The following DDX39A variants were observed in gnomAD, a reference collection of about 807,000 sequenced individuals.
DDX39A encodes the protein ATP-dependent RNA helicase DDX39A.
DDX39A carries 13 observed loss-of-function variants against 46.3 expected under a neutral mutation model. The observed-to-expected ratio is 0.28, with a 90% CI of 0.18 to 0.45. The LOEUF (loss-of-function observed/expected upper bound fraction) is 0.45. Among genes scored for constraint, DDX39A ranks in the 20% least tolerant of loss-of-function variants. The pLI is 1.00. For synonymous variants in DDX39A, 234 were observed against 224.6 expected (o/e 1.04, Z -0.38); for missense variants, 352 against 581.8 (o/e 0.61, Z 4.06).
At chr19:14,418,120 C>G (rs1044858939) in intron 1 of DDX39A, among the ~76,000 whole-genome samples, 1 of 52,348 alleles carries the variant, frequency 1.9e-5, no homozygotes, top group Non-Finnish European at 4.0e-5. Flanking sequence ...GGCTCTGTCT[C>G]AAAAAAAAAA....
intron 1 of DDX39A, 43 bp from the exon 2 acceptor site, chr19:14,413,267 GGAT>G: frequency 6.5e-7 from 1 of 1,546,692 alleles, no homozygotes; most frequent in Non-Finnish European, 8.8e-7. Flanking sequence ...GGGCACAGAA[GGAT>G]GATGAAGCTT....
Position 14,412,809 on chromosome 19 carries a change from G to A in DDX39A, c.209-131C>T. 7.4e-7 allele frequency: 1 copy of A among 1,358,096 alleles called. No homozygotes were observed. The highest frequency in any genetic ancestry group is 9.9e-7 in the Non-Finnish European group (1 of 1,005,276). 84.1% of individuals were successfully genotyped at this position (1,358,096 alleles called of 1,614,324 possible). A position where few individuals can be genotyped will look rare whatever the true frequency, so the allele number is the denominator to read the frequency against. On this transcript the variant is annotated intron_variant, in intron 2 of 10. Transcript: ENST00000242776. The surrounding 1 kb of genome is among the most constrained non-coding windows in gnomAD (Gnocchi z 4.4). ...AGTCCGGACAAGGCCACAGACACCT[G>A]CAGGGCTGGGGTATCCGCCTGGTCA...
rs974236155 is a variant in DDX39A, at chr19:14,411,841, C to T, written c.337-243G>A. Among the ~76,000 whole-genome samples, 2 of 151,898 alleles carry T rather than the reference C, an allele frequency of 1.3e-5. No individual in the cohort carries two copies. Among genetic ancestry groups the T allele is most frequent in the African/African-American group, 2.4e-5 (1 of 41,318 alleles). ...CCACAATAAGAAACAGAAAATGGAA[C>T]AGAAAATGGCCCGCATAATGTAATG... On this transcript the variant is annotated intron_variant, in intron 3 of 10. Coordinates refer to ENST00000242776, the MANE Select transcript of DDX39A (RefSeq NM_005804.4). The surrounding 1 kb of genome is among the most constrained non-coding windows in gnomAD (Gnocchi z 4.1).
Position 14,412,687 on chromosome 19 carries a change from G to T in DDX39A, c.209-9C>A. ...AATGCACTCATGCTGGACTGCAGGA[G>T]AAGCAGAGCGTGAGGGACGAGAACC... is the stretch of plus-strand genomic sequence containing the variant. On this transcript the variant is annotated splice_polypyrimidine_tract_variant and intron_variant, in intron 2 of 10. Transcript: ENST00000242776. This position sits in a 1 kb window ranked among gnomAD's most constrained non-coding sequence, Gnocchi z 4.4. 6.3e-7 allele frequency: 1 copy of T among 1,598,962 alleles called. No homozygotes were observed.
rs1374250568 is a variant in DDX39A, at chr19:14,410,594, A to G, written c.614-260T>C. On this transcript the variant is annotated intron_variant, in intron 5 of 10. Transcript: ENST00000242776. This position sits in a 1 kb window ranked among gnomAD's most constrained non-coding sequence, Gnocchi z 4.3. ...GCCCGTGCGCCTCGAGCCACGCTTC[A>G]GGGAGGGGAGCCTGAGGCAGAGACA... The G allele has an allele frequency of 3.8e-6, 2 of 532,658 alleles. No homozygotes were observed. Among genetic ancestry groups the G allele is most frequent in the Non-Finnish European group, 6.8e-6 (2 of 292,320 alleles). 33.0% of individuals were successfully genotyped at this position (532,658 alleles called of 1,614,324 possible).
chr19:14,410,393 C>T lies in DDX39A; in HGVS notation c.614-59G>A, dbSNP rs1976529306. On this transcript the variant is annotated intron_variant, in intron 5 of 10. Transcript: ENST00000242776. This position sits in a 1 kb window ranked among gnomAD's most constrained non-coding sequence, Gnocchi z 4.3. ...AGCGTCTGCCATGCAGGACCCCCAC[C>T]CCAGACCAGACCCAGACCCCTCCCA... The T allele has an allele frequency of 6.8e-7, 1 of 1,474,164 alleles. No individual in the cohort carries two copies. Among genetic ancestry groups the T allele is most frequent in the Admixed American group, 1.7e-5 (1 of 59,748 alleles). 91.3% of individuals were successfully genotyped at this position (1,474,164 alleles called of 1,614,324 possible).
chr19:14,414,323 G>GTTTT (rs201672917), intron 1 of DDX39A, among the ~76,000 whole-genome samples: 96 of 130,752 alleles, frequency 7.3e-4, no homozygotes, highest in African/African-American at 2.7e-3. Context: ...GCTATCACCT[G>GTTTT]TTTTATTATT....
rs542037214 is a variant in DDX39A, at chr19:14,412,922, G to A, written c.208+91C>T. ...ACAGACGGGCCCCTCCCTCACCCACGGCAAACTGGAGGCGGCACCGCTCTG... is the reference window on the plus strand; with the variant it reads ...ACAGACGGGCCCCTCCCTCACCCACAGCAAACTGGAGGCGGCACCGCTCTG... On this transcript the variant is annotated intron_variant, in intron 2 of 10. Transcript: ENST00000242776. The surrounding 1 kb of genome is among the most constrained non-coding windows in gnomAD (Gnocchi z 4.4). The A allele has an allele frequency of 2.3e-5, 33 of 1,450,996 alleles. No individual in the cohort carries two copies. Among genetic ancestry groups the A allele is most frequent in the Admixed American group, 4.1e-5 (2 of 49,362 alleles). The allele number at this position is 1,450,996 out of a possible 1,614,324, so 89.9% of individuals were successfully genotyped here.
intron 1 of DDX39A, among the ~76,000 whole-genome samples, 181 bp from the exon 2 acceptor site, chr19:14,413,405 T>C (rs1976674684): frequency 1.5e-5 from 2 of 132,792 alleles, no homozygotes; most frequent in Admixed American, 7.7e-5. Flanking sequence ...CTCTCCCCCA[T>C]GCCCCTCTGG....
rs1394904864 is a variant in DDX39A at position 14,410,007 on chromosome 19, T to A, written c.733-134A>T. ...CTGCTGCACCAGACCTCAGTAAACA[T>A]CGCTCAAAAGCTGGATGTAAGCTCT... On this transcript the variant is annotated intron_variant, in intron 6 of 10. Coordinates refer to ENST00000242776, the MANE Select transcript of DDX39A (RefSeq NM_005804.4). The surrounding 1 kb of genome is among the most constrained non-coding windows in gnomAD (Gnocchi z 4.3). 3 of 1,245,700 alleles carry A rather than the reference T, an allele frequency of 2.4e-6. No homozygotes were observed. The highest frequency in any genetic ancestry group is 2.3e-5 in the East Asian group (1 of 43,112). The allele number at this position is 1,245,700 out of a possible 1,614,324, so 77.2% of individuals were successfully genotyped here. A position where few individuals can be genotyped will look rare whatever the true frequency, so the allele number is the denominator to read the frequency against.
rs1976410684 is a variant in DDX39A, at chr19:14,408,877, A to T, written c.*59T>A. On this transcript the variant is annotated 3_prime_UTR_variant, in exon 11 of 11. Coordinates refer to ENST00000242776, the MANE Select transcript of DDX39A (RefSeq NM_005804.4). ...CTAGCTTCTCAACAGTGGCGCCTGG[A>T]AAGGGGAGGTGAAGCTGCATGCGGG... The T allele has an allele frequency of 6.5e-7, 1 of 1,532,994 alleles. No individual in the cohort carries two copies. The allele number at this position is 1,532,994 out of a possible 1,614,324, so 95.0% of individuals were successfully genotyped here. A position where few individuals can be genotyped will look rare whatever the true frequency, so the allele number is the denominator to read the frequency against.
At position 14,410,137 on chromosome 19, in the gene DDX39A, G is replaced by T; in HGVS notation, c.732+79C>A. 1 of 1,295,220 alleles carries T rather than the reference G, an allele frequency of 7.7e-7. No homozygotes were observed. The highest frequency in any genetic ancestry group is 1.1e-6 in the Non-Finnish European group (1 of 895,252). The allele number at this position is 1,295,220 out of a possible 1,614,324, so 80.2% of individuals were successfully genotyped here. On this transcript the variant is annotated intron_variant, in intron 6 of 10. Coordinates refer to ENST00000242776, the MANE Select transcript of DDX39A (RefSeq NM_005804.4). This position sits in a 1 kb window ranked among gnomAD's most constrained non-coding sequence, Gnocchi z 4.3. ...AGCATCCCAGCATCCTCCGTGCCAT[G>T]TGGGCCGTGCGGGTGTCCTGGGGCC...
At position 14,413,077 on chromosome 19, in the gene DDX39A, G is replaced by A; in HGVS notation, c.144C>T (p.Asp48=). 6.2e-7 allele frequency: 1 copy of A among 1,614,202 alleles called. No homozygotes were observed. The highest frequency in any genetic ancestry group is 1.1e-5 in the South Asian group (1 of 91,092). The change falls in exon 2 of 11, where the codon GAC becomes GAT. Residue 48 remains aspartate, a synonymous_variant. Transcript: ENST00000242776. ...GCAGGAGCTCCGGCTTCAGCAGAAAGTCCCGGAAGCCAGAGCTGTGGATGG... is the reference window on the plus strand; with the variant it reads ...GCAGGAGCTCCGGCTTCAGCAGAAAATCCCGGAAGCCAGAGCTGTGGATGG... The part of the protein sequence containing the change: ...YVSIHSSGFR[D]FLLKPELLRA...
chr19:14,414,025 CA>C (rs1976700200), intron 1 of DDX39A: 1 of 152,174 alleles, frequency 6.6e-6, no homozygotes, highest in Non-Finnish European at 1.5e-5. Flanking sequence ...CTGCTGGGTG[CA>C]AGGGACCCAA....
At position 14,410,718 on chromosome 19, in the gene DDX39A, C is replaced by G. The variant is rs1976550932; in HGVS notation, c.613+271G>C. The G allele has an allele frequency of 1.9e-6, 1 of 521,178 alleles. No homozygotes were observed. The highest frequency in any genetic ancestry group is 3.2e-5 in the Admixed American group (1 of 30,924). 32.3% of individuals were successfully genotyped at this position (521,178 alleles called of 1,614,324 possible). On this transcript the variant is annotated intron_variant, in intron 5 of 10. Transcript: ENST00000242776. The surrounding 1 kb of genome is among the most constrained non-coding windows in gnomAD (Gnocchi z 4.3). ...GAGGGCAGGCGGGGCCTGGAACCAA[C>G]CCAACAGGTGGCAGAAGCCTCATAC...
intron 1 of DDX39A, chr19:14,419,064 C>T (rs897019567): frequency 5.2e-5 from 23 of 446,266 alleles, no homozygotes; most frequent in Middle Eastern, 6.9e-4. Flanking sequence ...CCGAGCACCG[C>T]GCGCCAACGG....
rs1273192193 is a variant in DDX39A at position 14,412,137 on chromosome 19, C to A, written c.336+414G>T. 3.9e-5 allele frequency among the ~76,000 whole-genome samples: 6 copies of A among 152,178 alleles called. No homozygotes were observed. The highest frequency in any genetic ancestry group is 8.8e-5 in the Non-Finnish European group (6 of 68,032). Reference sequence around the variant, plus strand: ...CTCCCCAGGACAGTGGCACACAAGACAATGGGAGAAGACAGCCAGGGCCTA... The same window carrying A: ...CTCCCCAGGACAGTGGCACACAAGAAAATGGGAGAAGACAGCCAGGGCCTA... On this transcript the variant is annotated intron_variant, in intron 3 of 10. Coordinates refer to ENST00000242776, the MANE Select transcript of DDX39A (RefSeq NM_005804.4). This position sits in a 1 kb window ranked among gnomAD's most constrained non-coding sequence, Gnocchi z 4.4.
intron 1 of DDX39A, among the ~76,000 whole-genome samples, chr19:14,415,432 T>C (rs1436079813): frequency 6.6e-6 from 1 of 151,962 alleles, no homozygotes; most frequent in Admixed American, 6.6e-5. Context: ...GCCTCCCTAG[T>C]AGCAGGAGCT....
At chr19:14,417,497 A>AG (rs1311994428) in intron 1 of DDX39A, among the ~76,000 whole-genome samples, 1 of 78,376 alleles carries the variant, frequency 1.3e-5, no homozygotes, top group Non-Finnish European at 2.3e-5. Context: ...GGGTGGGGGG[A>AG]GGGGGGAGGG....
Sources: gnomAD v4.1 joint callset for allele counts (sites outside exome capture counted in the v4.1 genomes callset) on GRCh38, gnomAD v4.1.1 for gene constraint, Gnocchi (gnomAD v3.1) non-coding constraint, MANE v1.5 for transcripts, NCBI Gene and HGNC (gene_info 2026-07-23, HGNC 2026-07-21) for gene names.